KCTD14: variants seen among roughly 807,000 people sequenced by gnomAD.
KCTD14 encodes BTB/POZ domain-containing protein KCTD14.
KCTD14 carries 7 observed loss-of-function variants against 5.9 expected under a neutral mutation model. That is an observed-to-expected ratio of 1.19 (90% CI 0.68 to 2.23). The LOEUF (loss-of-function observed/expected upper bound fraction) is 2.23. Among genes scored for constraint, KCTD14 ranks in the 30% most tolerant of loss-of-function variants. The probability of loss-of-function intolerance (pLI) is 0.00; values close to 1 mark genes in which losing one functional copy is unlikely to be tolerated. For missense variants in KCTD14, 342 were observed against 332.2 expected, an observed-to-expected ratio of 1.03 and a Z score of -0.23; for synonymous variants, 140 against 133.1, an observed-to-expected ratio of 1.05 and a Z score of -0.36.
chr11:78,037,454 C>T (rs1389171319), intron 2 of KCTD14, among the ~76,000 whole-genome samples: 1 of 152,186 alleles, frequency 6.6e-6, no homozygotes, highest in Non-Finnish European at 1.5e-5. Flanking sequence ...CACTCCTGAG[C>T]CCTGTGAGTA....
intron 1 of KCTD14, among the ~76,000 whole-genome samples, chr11:78,045,480 A>G (rs1858109438): frequency 6.6e-6 from 1 of 152,176 alleles, no homozygotes; most frequent in South Asian, 2.1e-4. Context: ...TCTGCACCTT[A>G]GCAGAACTCA....
intron 1 of KCTD14, 146 bp downstream of exon 1, chr11:78,023,014 A>G: frequency 3.3e-6 from 2 of 611,038 alleles, no homozygotes; most frequent in Non-Finnish European, 5.8e-6. Context: ...GAGAGCGACC[A>G]GCCCGAGGTG....
At chr11:78,020,733 G>A (rs150250883) in intron 1 of KCTD14, among the ~76,000 whole-genome samples, 1 of 152,318 alleles carries the variant, frequency 6.6e-6, no homozygotes, top group Non-Finnish European at 1.5e-5. Flanking sequence ...ACACAGCTAG[G>A]ATGTGATGAA....
At chr11:78,034,685 C>G (rs560084253) in intron 2 of KCTD14, among the ~76,000 whole-genome samples, 1 of 152,132 alleles carries the variant, frequency 6.6e-6, no homozygotes, top group African/African-American at 2.4e-5. Flanking sequence ...GAGGTGGGAA[C>G]GGACAGCCCA....
chr11:78,042,770 A>C (rs1858029584), intron 1 of KCTD14, among the ~76,000 whole-genome samples: 1 of 152,194 alleles, frequency 6.6e-6, no homozygotes, highest in African/African-American at 2.4e-5. Flanking sequence ...TGCAGAGAGA[A>C]AGGCTCCCGA....
rs1037629328 is a variant in KCTD14 at position 78,016,683 on chromosome 11, G to C, written c.678C>G (p.Tyr226Ter). The C allele has an allele frequency of 1.2e-6, 2 of 1,614,168 alleles. No individual in the cohort carries two copies. Among genetic ancestry groups the C allele is most frequent in the Admixed American group, 3.3e-5 (2 of 60,022 alleles). ...CLEMDIKAQG[Y>*]KVFSKFYLTY... Reference sequence around the variant, plus strand: ...TCAGGTAGAACTTGGAGAATACCTTGTACCCCTGGGCCTTAATGTCCATCT... The same window carrying C: ...TCAGGTAGAACTTGGAGAATACCTTCTACCCCTGGGCCTTAATGTCCATCT... The change falls in exon 2 of 2, where the codon TAC (tyrosine) becomes TAG (stop). Residue 226 changes from tyrosine (Y) to a stop codon, truncating the protein, a stop_gained. Coordinates refer to ENST00000353172, the MANE Select transcript of KCTD14 (RefSeq NM_023930.4). LOFTEE classifies it low-confidence loss of function (END_TRUNC).
intron 2 of KCTD14, among the ~76,000 whole-genome samples, chr11:78,035,732 CT>C (rs938100288): frequency 6.7e-6 from 1 of 149,922 alleles, no homozygotes; most frequent in Non-Finnish European, 1.5e-5. Flanking sequence ...GTAATCCCAA[CT>C]ACTTGGTAGG....
intron 2 of KCTD14, among the ~76,000 whole-genome samples, chr11:78,031,838 A>G (rs968809093): frequency 2.0e-5 from 3 of 152,240 alleles, no homozygotes; most frequent in Non-Finnish European, 4.4e-5. Flanking sequence ...ACAGAAATGA[A>G]TATCTGGTTT....
upstream of KCTD14, among the ~76,000 whole-genome samples, chr11:78,024,608 A>G (rs1857402312): frequency 6.6e-6 from 1 of 151,810 alleles, no homozygotes; most frequent in African/African-American, 2.4e-5. Context: ...ATTAGCATTT[A>G]CCAGAAATGA....
chr11:78,017,970 G>A (rs1254848695), intron 1 of KCTD14, among the ~76,000 whole-genome samples: 2 of 151,982 alleles, frequency 1.3e-5, no homozygotes, highest in Non-Finnish European at 2.9e-5. Flanking sequence ...GATGGCACGC[G>A]CCTGTAATCC....
chr11:78,023,460 C>T, upstream of KCTD14: 3 of 572,128 alleles, frequency 5.2e-6, no homozygotes, highest in Non-Finnish European at 9.3e-6. Flanking sequence ...ATGGAGCAGA[C>T]CCCTTAAGGA....
At chr11:78,023,589 T>C (rs1045670568), upstream of KCTD14, 17 of 252,252 alleles carry the variant, frequency 6.7e-5, no homozygotes, top group African/African-American at 3.7e-4. Flanking sequence ...TCAGGCTCAC[T>C]GCAACCTCAA....
chr11:78,031,907 T>A (rs565130319), intron 2 of KCTD14, among the ~76,000 whole-genome samples: 112 of 152,300 alleles, frequency 7.4e-4, no homozygotes, highest in African/African-American at 2.6e-3. Context: ...TGGATAGACA[T>A]GCTAAAGAGC....
At chr11:78,038,332 C>T (rs1857878028) in intron 2 of KCTD14, among the ~76,000 whole-genome samples, 1 of 152,226 alleles carries the variant, frequency 6.6e-6, no homozygotes, top group Admixed American at 6.5e-5. Flanking sequence ...TCTCCCTATT[C>T]TTACCCCAAA....
intron 1 of KCTD14, among the ~76,000 whole-genome samples, chr11:78,039,630 G>T (rs1857934461): frequency 6.6e-6 from 1 of 151,976 alleles, no homozygotes; most frequent in South Asian, 2.1e-4. Flanking sequence ...AGCTAGGCAT[G>T]TTGATATGTG....
At chr11:78,023,058 G>A (rs911961867) in intron 1 of KCTD14, 102 bp downstream of exon 1, 4 of 783,130 alleles carry the variant, frequency 5.1e-6, no homozygotes, top group Non-Finnish European at 8.2e-6. Context: ...AGGGGGCTCG[G>A]GCGTCTGGGA....
In KCTD14 at chr11:78,016,849, C is replaced by T; in HGVS notation, c.512G>A (p.Cys171Tyr). ...ATCCTGCTCCTCAGTTTCCACCAGG[C>T]ACACAAGCACGCTGGACTTCCGTGC... Reference protein sequence around the residue: ...ITARKSSVLVCLVETEEQDAY... With the variant: ...ITARKSSVLVYLVETEEQDAY... The change falls in exon 2 of 2, where the codon TGC becomes TAC. Residue 171 changes from cysteine (C) to tyrosine (Y), a missense_variant. Physicochemically the swap from Cys to Tyr is radical, Grantham distance 194. Coordinates refer to ENST00000353172, the MANE Select transcript of KCTD14 (RefSeq NM_023930.4). 2 of 1,614,214 alleles carry T rather than the reference C, an allele frequency of 1.2e-6. No homozygotes were observed. Among genetic ancestry groups the T allele is most frequent in the Non-Finnish European group, 8.5e-7 (1 of 1,180,012 alleles).
At chr11:78,022,980 G>A in intron 1 of KCTD14, 180 bp downstream of exon 1, 1 of 575,100 alleles carries the variant, frequency 1.7e-6, no homozygotes, top group East Asian at 3.1e-5. Flanking sequence ...AGTGATCCCA[G>A]CAGGAGGGAC....
Position 78,016,213 on chromosome 11 carries a change from T to C in KCTD14, c.*380A>G. 4.3e-6 allele frequency: 1 copy of C among 232,816 alleles called. No homozygotes were observed. 14.4% of individuals were successfully genotyped at this position (232,816 alleles called of 1,614,324 possible). ...GGGACAGATGGATTGGACCCCAAGC[T>C]GGGGCTATGTAGACTACATCTTTAG... On this transcript the variant is annotated 3_prime_UTR_variant, in exon 2 of 2. Transcript: ENST00000353172.
Sources: gnomAD v4.1 joint callset for allele counts (sites outside exome capture counted in the v4.1 genomes callset) on GRCh38, gnomAD v4.1.1 for gene constraint, MANE v1.5 for transcripts, NCBI Gene and HGNC (gene_info 2026-07-23, HGNC 2026-07-21) for gene names.